RIPOR2: variants seen among roughly 807,000 people sequenced by gnomAD.
The protein encoded by RIPOR2 is RHO family interacting cell polarization regulator 2.
Under a neutral mutation model 114.5 loss-of-function variants are expected in RIPOR2, and 39 were observed. The observed-to-expected ratio is 0.34, with a 90% CI of 0.26 to 0.44. The LOEUF (loss-of-function observed/expected upper bound fraction) is 0.44, where lower values mean the gene tolerates loss of function less well. RIPOR2 is among the 20% of genes least tolerant of loss of function. The pLI, the probability that RIPOR2 is intolerant of heterozygous loss-of-function variation, is 1.00. For missense variants in RIPOR2, 1,007 were observed against 1,255.1 expected (o/e 0.80, Z 2.99); for synonymous variants, 445 against 484.4 (o/e 0.92, Z 1.07).
intron 15 of RIPOR2, among the ~76,000 whole-genome samples, chr6:24,834,191 G>A (rs1413614991): frequency 6.6e-6 from 1 of 152,136 alleles, no homozygotes; most frequent in Non-Finnish European, 1.5e-5. Context: ...TCAACTAAGT[G>A]TTGGCTAACC....
chr6:24,885,187 C>A (rs74971264), intron 1 of RIPOR2, among the ~76,000 whole-genome samples: 3 of 151,988 alleles, frequency 2.0e-5, no homozygotes, highest in African/African-American at 2.4e-5. Context: ...GAAATAACAG[C>A]GTAAAATTTG....
chr6:24,999,637 G>A (rs973365523), intron 1 of RIPOR2, among the ~76,000 whole-genome samples: 5 of 150,018 alleles, frequency 3.3e-5, no homozygotes, highest in African/African-American at 1.2e-4. Flanking sequence ...CTCACTGCAA[G>A]CTCCACCTCC....
intron 1 of RIPOR2, among the ~76,000 whole-genome samples, chr6:24,951,310 T>A (rs1772743679): frequency 6.6e-6 from 1 of 152,216 alleles, no homozygotes; most frequent in Non-Finnish European, 1.5e-5. Context: ...TTCTAAGTGC[T>A]GCAGCCCCCA....
chr6:24,861,345 GA>G (rs1325896476), intron 7 of RIPOR2, among the ~76,000 whole-genome samples: 4 of 152,082 alleles, frequency 2.6e-5, no homozygotes, highest in Non-Finnish European at 1.5e-5. Flanking sequence ...TATCATAGGG[GA>G]AAAAATTTCT....
intron 1 of RIPOR2, among the ~76,000 whole-genome samples, chr6:24,907,281 GT>G (rs1769092048): frequency 6.6e-6 from 1 of 152,118 alleles, no homozygotes; most frequent in Non-Finnish European, 1.5e-5. Context: ...TAATGAACTT[GT>G]GAAAACATTC....
intron 1 of RIPOR2, among the ~76,000 whole-genome samples, chr6:24,967,286 T>C (rs80062057): frequency 2.8e-4 from 42 of 152,332 alleles, no homozygotes; most frequent in African/African-American, 9.6e-4. Flanking sequence ...AAGGAGACTA[T>C]GTGGATGTGT....
chr6:24,828,153 G>A lies in RIPOR2; in HGVS notation c.2649C>T (p.Ser883=), dbSNP rs1185349784. The A allele has an allele frequency of 6.5e-7, 1 of 1,547,824 alleles. No homozygotes were observed. The highest frequency in any genetic ancestry group is 2.0e-5 in the Admixed American group (1 of 50,550). Residue 883 remains serine, a synonymous_variant, in exon 18 of 22, where the codon AGC becomes AGT. Transcript: ENST00000643898. ...ATGTCCCACCTTGCCTGGCCAGCTG[G>A]CTCAGGTAACTCTCCAGGTCACTGA... ...HGVSDLESYL[S]QLARQVSMVQ...
chr6:24,983,001 C>A (rs1031479632), intron 1 of RIPOR2, among the ~76,000 whole-genome samples: 3 of 152,092 alleles, frequency 2.0e-5, no homozygotes, highest in African/African-American at 7.2e-5. Flanking sequence ...AATGTGAATT[C>A]TTGGTAAACA....
At chr6:24,867,295 G>A (rs1052979680) in intron 6 of RIPOR2, among the ~76,000 whole-genome samples, 2 of 152,170 alleles carry the variant, frequency 1.3e-5, no homozygotes, top group African/African-American at 2.4e-5. Context: ...TGTGGTTTCC[G>A]TGCTTTAAAG....
At chr6:24,856,421 A>G (rs1763478997) in intron 8 of RIPOR2, among the ~76,000 whole-genome samples, 1 of 152,186 alleles carries the variant, frequency 6.6e-6, no homozygotes, top group African/African-American at 2.4e-5. Flanking sequence ...CCTAAACTGG[A>G]CATGCTAATT....
chr6:24,966,687 A>G (rs1561813421), intron 1 of RIPOR2, among the ~76,000 whole-genome samples: 1 of 152,192 alleles, frequency 6.6e-6, no homozygotes, highest in Non-Finnish European at 1.5e-5. Flanking sequence ...TGGGAAGGAC[A>G]ATGGAGAGTG....
chr6:25,002,461 T>C (rs781690292), intron 1 of RIPOR2, among the ~76,000 whole-genome samples: 76 of 152,348 alleles, frequency 5.0e-4, no homozygotes, highest in Middle Eastern at 3.4e-3. Flanking sequence ...CTTTAGGAAA[T>C]AAGGTCCACT....
chr6:24,848,313 G>A (rs1440216913), intron 11 of RIPOR2, among the ~76,000 whole-genome samples, 159 bp from the exon 12 acceptor site: 1 of 152,092 alleles, frequency 6.6e-6, no homozygotes, highest in Non-Finnish European at 1.5e-5. Flanking sequence ...AAATAAACCT[G>A]GATAAAAGAA....
At chr6:24,846,301 C>T (rs56052026) in intron 12 of RIPOR2, among the ~76,000 whole-genome samples, 31,944 of 96,156 alleles carry the variant, frequency 0.33, 5,866 homozygotes, top group Middle Eastern at 0.52. Flanking sequence ...TTTCACCTGC[C>T]TTTTTTTTTT....
Position 25,005,738 on chromosome 6 carries a change from T to TATATATATATATATATATATACATAC in RIPOR2, c.76+36112_76+36113insGTATGTATATATATATATATATATAT, listed in dbSNP as rs34572978. 2.0e-4 allele frequency among the ~76,000 whole-genome samples: 14 copies of TATATATATATATATATATATACATAC among 70,700 alleles called. 3 individuals carry two copies. The highest frequency in any genetic ancestry group is 4.7e-4 in the Non-Finnish European group (14 of 30,024). 46.4% of individuals were successfully genotyped at this position (70,700 alleles called of 152,430 possible). On this transcript the variant is annotated intron_variant, in intron 1 of 13. Coordinates refer to the RIPOR2 transcript ENST00000510784. ...ATATATATATATATATATATATATA[T>TATATATATATATATATATATACATAC]ATACATTTACCGATCAAAAGATATG... is the stretch of plus-strand genomic sequence containing the variant.
chr6:24,910,667 C>T, intron 1 of RIPOR2: 1 of 317,066 alleles, frequency 3.2e-6, no homozygotes, highest in Non-Finnish European at 4.6e-6. Flanking sequence ...CCCGAACCCA[C>T]CAGGGTGGTG....
intron 1 of RIPOR2, among the ~76,000 whole-genome samples, chr6:24,960,703 CA>C (rs1295044021): frequency 6.6e-6 from 1 of 151,910 alleles, no homozygotes; most frequent in East Asian, 1.9e-4. Context: ...CTAATTTTTC[CA>C]TTTTTTGTAG....
intron 1 of RIPOR2, among the ~76,000 whole-genome samples, chr6:24,928,471 A>T (rs1483519359): frequency 6.6e-6 from 1 of 152,220 alleles, no homozygotes; most frequent in Non-Finnish European, 1.5e-5. Context: ...ATTATACTCA[A>T]AGGCTCAGCC....
intron 1 of RIPOR2, among the ~76,000 whole-genome samples, chr6:24,889,926 C>G (rs1294913390): frequency 6.6e-6 from 1 of 151,768 alleles, no homozygotes; most frequent in African/African-American, 2.4e-5. Flanking sequence ...GAGTTTCACT[C>G]TGTTGCCCAA....
Sources: gnomAD v4.1 joint callset for allele counts (sites outside exome capture counted in the v4.1 genomes callset) on GRCh38, gnomAD v4.1.1 for gene constraint, MANE v1.5 for transcripts, NCBI Gene and HGNC (gene_info 2026-07-23, HGNC 2026-07-21) for gene names.